GDAP1: variants seen among roughly 807,000 people sequenced by gnomAD.
GDAP1 encodes the protein ganglioside induced differentiation associated protein 1, also known as ganglioside-induced differentiation-associated protein 1.
GDAP1 carries 34 observed loss-of-function variants against 40.1 expected under a neutral mutation model. The observed-to-expected ratio is 0.85, with a 90% CI of 0.64 to 1.13. The LOEUF (loss-of-function observed/expected upper bound fraction) is 1.13, where lower values mean the gene tolerates loss of function less well. Among genes scored for constraint, GDAP1 ranks in the 50% most tolerant of loss-of-function variants. The pLI is 0.00. For missense variants in GDAP1, 374 were observed against 433.7 expected (o/e 0.86, Z 1.22); for synonymous variants, 170 against 157.4 (o/e 1.08, Z -0.60).
downstream of GDAP1, among the ~76,000 whole-genome samples, chr8:74,369,617 TTG>T (rs750701676): frequency 4.7e-4 from 56 of 118,370 alleles, no homozygotes; most frequent in Admixed American, 8.9e-4. Flanking sequence ...GGGCAGGAAA[TTG>T]TGTGTGTGTG....
chr8:74,362,827 C>G (rs889641760), intron 4 of GDAP1, 112 bp from the exon 5 acceptor site: 5 of 167,306 alleles, frequency 3.0e-5, no homozygotes, highest in East Asian at 1.4e-4. Flanking sequence ...TATTTCTTCT[C>G]GTTGTCTAAA....
Position 74,448,809 on chromosome 8 carries a change from C to A in GDAP1, c.166-39869C>A, listed in dbSNP as rs149401956. Among the ~76,000 whole-genome samples the A allele has an allele frequency of 1.9e-3, 292 of 152,026 alleles. 1 individual carries two copies. Among genetic ancestry groups the A allele is most frequent in the Middle Eastern group, 3.4e-3 (1 of 290 alleles). ...TAGTTGATTGTAGGAGTTTTTTGGT[C>A]AGATATATGCATTACAAGTATTTTC... On this transcript the variant is annotated intron_variant, in intron 2 of 2. Transcript: ENST00000523640.
intron 2 of GDAP1, among the ~76,000 whole-genome samples, chr8:74,408,293 G>A (rs1805665088): frequency 6.7e-6 from 1 of 150,210 alleles, no homozygotes; most frequent in Admixed American, 6.6e-5. Context: ...CTCCATTGGA[G>A]ATTGTCAAGT....
At chr8:74,402,277 C>T (rs935103374) in intron 2 of GDAP1, among the ~76,000 whole-genome samples, 1 of 150,510 alleles carries the variant, frequency 6.6e-6, no homozygotes, top group Admixed American at 6.6e-5. Flanking sequence ...CCTCCCCCAG[C>T]CTCGCTGCCA....
At chr8:74,403,199 A>G (rs1805584190) in intron 2 of GDAP1, among the ~76,000 whole-genome samples, 1 of 149,990 alleles carries the variant, frequency 6.7e-6, no homozygotes, top group Non-Finnish European at 1.5e-5. Flanking sequence ...GTTTGACTAC[A>G]CTGGGTTTTT....
chr8:74,356,425 T>G (rs1809093141), intron 2 of GDAP1, among the ~76,000 whole-genome samples: 1 of 152,146 alleles, frequency 6.6e-6, no homozygotes, highest in Non-Finnish European at 1.5e-5. Context: ...TAGTTAAACA[T>G]TTAATGTATA....
chr8:74,402,686 G>A (rs545019718), intron 2 of GDAP1, among the ~76,000 whole-genome samples: 15 of 150,164 alleles, frequency 1.0e-4, no homozygotes, highest in Admixed American at 6.6e-4. Context: ...ATTCCTATTC[G>A]GCCATCTTGG....
intron 2 of GDAP1, among the ~76,000 whole-genome samples, chr8:74,485,954 G>T (rs898181912): frequency 1.3e-5 from 2 of 152,138 alleles, no homozygotes; most frequent in African/African-American, 2.4e-5. Flanking sequence ...ATGGTCACTT[G>T]TCCTGTGTGG....
chr8:74,374,297 G>C (rs1031345472), intron 2 of GDAP1, among the ~76,000 whole-genome samples: 1 of 152,102 alleles, frequency 6.6e-6, no homozygotes, highest in Non-Finnish European at 1.5e-5. Context: ...GGATTCCCTT[G>C]TTTTCTATTG....
intron 2 of GDAP1, among the ~76,000 whole-genome samples, chr8:74,412,302 A>T (rs1805724945): frequency 6.7e-6 from 1 of 150,122 alleles, no homozygotes; most frequent in Non-Finnish European, 1.5e-5. Context: ...TTAAAGAGAT[A>T]TGAAAGATGT....
chr8:74,359,538 A>C (rs1464820310), intron 2 of GDAP1, among the ~76,000 whole-genome samples: 1 of 152,244 alleles, frequency 6.6e-6, no homozygotes, highest in Non-Finnish European at 1.5e-5. Flanking sequence ...ATAGATTGTC[A>C]TTCACATTCA....
chr8:74,435,594 A>G (rs1214299812), intron 2 of GDAP1, among the ~76,000 whole-genome samples: 1 of 152,252 alleles, frequency 6.6e-6, no homozygotes, highest in Admixed American at 6.5e-5. Context: ...GTATTAAAGC[A>G]GAAGGATTCT....
At chr8:74,479,904 T>C (rs1806687013) in intron 2 of GDAP1, among the ~76,000 whole-genome samples, 1 of 152,136 alleles carries the variant, frequency 6.6e-6, no homozygotes, top group Middle Eastern at 3.2e-3. Flanking sequence ...GTCACTTCTA[T>C]TGCTCTCTAT....
At chr8:74,439,241 G>T (rs911588698) in intron 2 of GDAP1, among the ~76,000 whole-genome samples, 1 of 151,922 alleles carries the variant, frequency 6.6e-6, no homozygotes, top group African/African-American at 2.4e-5. Context: ...ATGTGTGTGT[G>T]TATATACACA....
chr8:74,416,088 C>T (rs1434333334), intron 2 of GDAP1, among the ~76,000 whole-genome samples: 1 of 149,796 alleles, frequency 6.7e-6, no homozygotes, highest in Non-Finnish European at 1.5e-5. Context: ...TAGCGGAGCA[C>T]TGTGAGCAGA....
At chr8:74,461,994 A>G (rs1322353821) in intron 2 of GDAP1, among the ~76,000 whole-genome samples, 1 of 152,246 alleles carries the variant, frequency 6.6e-6, no homozygotes, top group Admixed American at 6.5e-5. Flanking sequence ...ATGAAATCAT[A>G]GTATCACTGA....
At chr8:74,440,363 G>A (rs1251318625) in intron 2 of GDAP1, among the ~76,000 whole-genome samples, 1 of 152,056 alleles carries the variant, frequency 6.6e-6, no homozygotes, top group Admixed American at 6.6e-5. Flanking sequence ...TACACAAAAA[G>A]AGACAAGTCA....
intron 2 of GDAP1, among the ~76,000 whole-genome samples, chr8:74,398,799 G>C (rs1810259757): frequency 6.6e-6 from 1 of 151,908 alleles, no homozygotes; most frequent in African/African-American, 2.4e-5. Context: ...TGCATCTATT[G>C]AGATAATCAT....
chr8:74,386,007 A>G (rs1351880725), intron 2 of GDAP1, among the ~76,000 whole-genome samples: 1 of 152,068 alleles, frequency 6.6e-6, no homozygotes, highest in Non-Finnish European at 1.5e-5. Flanking sequence ...TGTCTGTTTC[A>G]TATCCTTCAC....
Sources: allele counts gnomAD v4.1 joint callset (sites outside exome capture counted in the v4.1 genomes callset), GRCh38; gene constraint gnomAD v4.1.1; transcripts MANE v1.5; gene names NCBI Gene and HGNC (gene_info 2026-07-23, HGNC 2026-07-21).